ASIC2: variants seen among roughly 807,000 people sequenced by gnomAD.
The protein encoded by ASIC2 is acid sensing ion channel subunit 2.
A neutral mutation model predicts 57.3 loss-of-function variants in ASIC2; 25 were observed. The observed-to-expected ratio is 0.44, with a 90% CI of 0.32 to 0.61. ASIC2 has a LOEUF of 0.61. ASIC2 is among the 20% of genes least tolerant of loss of function. ASIC2 has a pLI of 0.06. For synonymous variants in ASIC2, 319 were observed against 307.5 expected, an observed-to-expected ratio of 1.04 and a Z score of -0.39; for missense variants, 641 against 738.1, an observed-to-expected ratio of 0.87 and a Z score of 1.52.
intron 1 of ASIC2, among the ~76,000 whole-genome samples, chr17:34,013,414 G>T (rs944675064): frequency 6.6e-6 from 1 of 152,188 alleles, no homozygotes; most frequent in Admixed American, 6.5e-5. Flanking sequence ...AGTTCCTAAC[G>T]GTCCCCTTTG....
At chr17:33,361,441 C>T (rs532429998) in intron 1 of ASIC2, among the ~76,000 whole-genome samples, 13 of 152,152 alleles carry the variant, frequency 8.5e-5, no homozygotes, top group Non-Finnish European at 1.9e-4. Context: ...TAGCCTTATG[C>T]ACCTGCAACC....
chr17:34,064,509 A>T (rs2142062950), intron 1 of ASIC2, among the ~76,000 whole-genome samples: 1 of 152,292 alleles, frequency 6.6e-6, no homozygotes, highest in Admixed American at 6.5e-5. Flanking sequence ...AACACAATAA[A>T]AAGAGATAAA....
intron 1 of ASIC2, among the ~76,000 whole-genome samples, chr17:34,067,913 T>A (rs1419602675): frequency 6.6e-6 from 1 of 152,242 alleles, no homozygotes; most frequent in South Asian, 2.1e-4. Context: ...AATGAAATTA[T>A]CTTCAAGGAT....
intron 1 of ASIC2, among the ~76,000 whole-genome samples, chr17:33,609,698 A>G (rs535750044): frequency 2.9e-4 from 44 of 152,312 alleles, no homozygotes; most frequent in Non-Finnish European, 4.3e-4. Context: ...TGAAGCAGAC[A>G]TTGCTGTCTT....
At chr17:33,207,734 G>C (rs1368052579) in intron 1 of ASIC2, among the ~76,000 whole-genome samples, 1 of 152,176 alleles carries the variant, frequency 6.6e-6, no homozygotes. Context: ...AGAGCCAAGA[G>C]CACTTGTTGG....
chr17:33,687,146 G>T (rs1597835637), intron 1 of ASIC2, among the ~76,000 whole-genome samples: 1 of 152,134 alleles, frequency 6.6e-6, no homozygotes, highest in Admixed American at 6.5e-5. Flanking sequence ...TGTGAAAACC[G>T]AATGGAATAA....
intron 1 of ASIC2, among the ~76,000 whole-genome samples, chr17:33,981,620 AAGGGAGAGAGAAAGGAAGGG>A (rs1378684854): frequency 6.6e-6 from 1 of 151,292 alleles, no homozygotes; most frequent in East Asian, 2.0e-4. Flanking sequence ...AGAAAGAAGG[AAGGGAGAGAGAAAGGAAGGG>A]AGGGTGGAAA....
At chr17:33,692,212 T>C (rs1480961529) in intron 1 of ASIC2, 1 of 152,310 alleles carries the variant, frequency 6.6e-6, no homozygotes, top group Non-Finnish European at 1.5e-5. Flanking sequence ...TTGGTTTGTA[T>C]CCTTCCTGTG....
chr17:33,993,277 T>C (rs1906055835), intron 1 of ASIC2, among the ~76,000 whole-genome samples: 1 of 152,156 alleles, frequency 6.6e-6, no homozygotes, highest in Admixed American at 6.6e-5. Context: ...CCAGTTGGTA[T>C]GGTTTCAGTT....
At chr17:33,919,870 C>T (rs893575377) in intron 1 of ASIC2, among the ~76,000 whole-genome samples, 1 of 152,138 alleles carries the variant, frequency 6.6e-6, no homozygotes, top group Non-Finnish European at 1.5e-5. Flanking sequence ...AGGAAATGCA[C>T]AGGCACTTCT....
At chr17:33,937,329 C>A (rs1283356471) in intron 1 of ASIC2, among the ~76,000 whole-genome samples, 4 of 152,094 alleles carry the variant, frequency 2.6e-5, no homozygotes, top group African/African-American at 9.7e-5. Context: ...CCCAAACTGA[C>A]CTCACGTGAT....
chr17:33,758,027 C>T (rs2701487), intron 1 of ASIC2, among the ~76,000 whole-genome samples: 51,604 of 152,166 alleles, frequency 0.34, 10,670 homozygotes, highest in Non-Finnish European at 0.49. Flanking sequence ...ATAAAGAGGA[C>T]GATCCAATTC....
At chr17:33,961,683 G>T (rs1904926406) in intron 1 of ASIC2, among the ~76,000 whole-genome samples, 1 of 152,168 alleles carries the variant, frequency 6.6e-6, no homozygotes, top group Admixed American at 6.5e-5. Context: ...GACCAAGGAA[G>T]AATTTCAAAA....
Position 33,291,451 on chromosome 17 carries a change from C to A in ASIC2, c.665G>T (p.Cys222Phe). ...CCCGCAGAGCTCGCCGCGGTACTTG[C>A]AGGAGAGCAGCATGTCCTCCAGCTG... ...GHQLEDMLLSCKYRGELCGPH... is the reference protein window; with the variant it reads ...GHQLEDMLLSFKYRGELCGPH... The change falls in exon 1 of 10, where the codon TGC becomes TTC. Residue 222 changes from cysteine (C) to phenylalanine (F), a missense_variant. Cys to Phe is a radical substitution (Grantham distance 205, BLOSUM62 -2). Coordinates refer to ENST00000225823, the MANE Select transcript of ASIC2 (RefSeq NM_183377.2). The A allele has an allele frequency of 6.2e-7, 1 of 1,610,946 alleles. No homozygotes were observed.
At chr17:33,439,318 T>A (rs1026929302) in intron 1 of ASIC2, among the ~76,000 whole-genome samples, 1 of 152,184 alleles carries the variant, frequency 6.6e-6, no homozygotes, top group Non-Finnish European at 1.5e-5. Flanking sequence ...TAAACTGGTC[T>A]TAAAAAGAAA....
intron 1 of ASIC2, among the ~76,000 whole-genome samples, chr17:33,224,808 C>T (rs1907820793): frequency 6.6e-6 from 1 of 152,186 alleles, no homozygotes; most frequent in Non-Finnish European, 1.5e-5. Context: ...GACTTCAGAT[C>T]ATGTTGCCCT....
intron 1 of ASIC2, among the ~76,000 whole-genome samples, chr17:33,994,183 T>A (rs969564022): frequency 6.6e-6 from 1 of 152,162 alleles, no homozygotes; most frequent in Non-Finnish European, 1.5e-5. Flanking sequence ...CCCCAGAGGA[T>A]CTAAAGCTGC....
intron 2 of ASIC2, among the ~76,000 whole-genome samples, chr17:33,108,667 T>A (rs747559513): frequency 7.2e-5 from 11 of 152,324 alleles, no homozygotes; most frequent in Non-Finnish European, 1.5e-4. Context: ...GTGACCAGCA[T>A]CTGCAAGAGG....
intron 1 of ASIC2, among the ~76,000 whole-genome samples, chr17:34,155,376 A>T (rs937569799): frequency 2.0e-5 from 3 of 151,918 alleles, no homozygotes; most frequent in Non-Finnish European, 4.4e-5. Context: ...CTCTCCCCAC[A>T]TGGAGCTTAG....
Sources: gnomAD v4.1 joint callset for allele counts (sites outside exome capture counted in the v4.1 genomes callset) on GRCh38, gnomAD v4.1.1 for gene constraint, MANE v1.5 for transcripts, NCBI Gene and HGNC (gene_info 2026-07-23, HGNC 2026-07-21) for gene names.